The following TBC1D5 variants were observed in gnomAD, a reference collection of about 807,000 sequenced individuals.
TBC1D5 encodes TBC1 domain family member 5.
Under a neutral mutation model 100.3 loss-of-function variants are expected in TBC1D5, and 75 were observed. The ratio of observed to expected loss-of-function variants is 0.75; its 90% CI spans 0.62 to 0.91. TBC1D5 has a LOEUF of 0.91. Ranked by LOEUF, TBC1D5 falls within the 40% of genes least tolerant of loss-of-function variation. TBC1D5 has a pLI of 0.00. For synonymous variants in TBC1D5, 323 were observed against 325.6 expected (o/e 0.99, Z 0.09); for missense variants, 910 against 942.4 (o/e 0.97, Z 0.45).
At chr3:17,475,788 T>C (rs568677126) in intron 3 of TBC1D5, among the ~76,000 whole-genome samples, 1 of 152,232 alleles carries the variant, frequency 6.6e-6, no homozygotes, top group South Asian at 2.1e-4. Context: ...TGCAATAGTT[T>C]CCCTGTGTTC....
At chr3:17,391,562 CA>C (rs375183258) in intron 8 of TBC1D5, among the ~76,000 whole-genome samples, 1,418 of 140,866 alleles carry the variant, frequency 0.01, 9 homozygotes, top group African/African-American at 0.021. Context: ...GGTGCTGTTT[CA>C]AAAAAAAAAA....
At chr3:17,157,957 G>A (rs1000110098) in exon 22 of TBC1D5, 1 of 152,148 alleles carries the variant, frequency 6.6e-6, no homozygotes, top group South Asian at 2.1e-4. Context: ...GGAGGTCCTG[G>A]TTTATTTTTA....
intron 2 of TBC1D5, among the ~76,000 whole-genome samples, chr3:17,577,214 A>T (rs2096662989): frequency 6.6e-6 from 1 of 152,020 alleles, no homozygotes; most frequent in Admixed American, 6.6e-5. Flanking sequence ...TGAGTTTTAC[A>T]AAGCTTTACT....
At chr3:17,592,702 T>C (rs998241777) in intron 2 of TBC1D5, among the ~76,000 whole-genome samples, 1 of 152,226 alleles carries the variant, frequency 6.6e-6, no homozygotes, top group South Asian at 2.1e-4. Context: ...TTGGGCCATA[T>C]GACCCAGCAG....
intron 19 of TBC1D5, among the ~76,000 whole-genome samples, chr3:17,170,762 C>T (rs1457911204): frequency 6.6e-6 from 1 of 152,132 alleles, no homozygotes; most frequent in Non-Finnish European, 1.5e-5. Flanking sequence ...AGAAACTCTT[C>T]CTCAAACACC....
At chr3:17,462,006 C>G (rs1381576940) in intron 3 of TBC1D5, among the ~76,000 whole-genome samples, 2 of 152,070 alleles carry the variant, frequency 1.3e-5, no homozygotes, top group African/African-American at 4.8e-5. Context: ...TCAACCCAGT[C>G]TTTTTAACAT....
chr3:17,186,655 A>G (rs1417796045), intron 18 of TBC1D5, among the ~76,000 whole-genome samples: 1 of 136,112 alleles, frequency 7.3e-6, no homozygotes, highest in East Asian at 2.7e-4. Flanking sequence ...GGTTGAAGTG[A>G]GCCGAGATCA....
At chr3:17,549,175 C>T (rs545885856) in intron 2 of TBC1D5, among the ~76,000 whole-genome samples, 12 of 152,266 alleles carry the variant, frequency 7.9e-5, no homozygotes, top group African/African-American at 2.9e-4. Flanking sequence ...GTGGCGCATG[C>T]CTGTAATCCC....
intron 3 of TBC1D5, among the ~76,000 whole-genome samples, chr3:17,460,073 G>A (rs1054886373): frequency 6.6e-6 from 1 of 152,130 alleles, no homozygotes; most frequent in Non-Finnish European, 1.5e-5. Context: ...TTTTCAGTAC[G>A]CACTGTTTCA....
intron 17 of TBC1D5, 102 bp from the exon 18 acceptor site, chr3:17,233,852 A>C: frequency 1.6e-6 from 1 of 640,636 alleles, no homozygotes; most frequent in Non-Finnish European, 2.6e-6. Context: ...CAAATTACTA[A>C]AAATATAGTA....
At chr3:17,450,266 G>A (rs1022240426) in intron 3 of TBC1D5, among the ~76,000 whole-genome samples, 1 of 152,138 alleles carries the variant, frequency 6.6e-6, no homozygotes, top group African/African-American at 2.4e-5. Flanking sequence ...ATAAATCCAC[G>A]AAGATAAGGA....
In TBC1D5 at chr3:17,594,173, G is replaced by A. The variant is rs2060415705; in HGVS notation, c.-36+29676C>T. Among the ~76,000 whole-genome samples, 2 of 152,214 alleles carry A rather than the reference G, an allele frequency of 1.3e-5. 1 individual carries two copies. The highest frequency in any genetic ancestry group is 4.1e-4 in the South Asian group (2 of 4,830). Reference sequence around the variant, plus strand: ...TCCTACCTTTAAGCCAACAGGCTAAGAAAGGAGTTATAGTGTTGGCTGGGG... The same window carrying A: ...TCCTACCTTTAAGCCAACAGGCTAAAAAAGGAGTTATAGTGTTGGCTGGGG... On this transcript the variant is annotated intron_variant, in intron 2 of 21. Transcript: ENST00000253692.
intron 1 of TBC1D5, among the ~76,000 whole-genome samples, chr3:17,735,759 G>A (rs910416050): frequency 1.3e-5 from 2 of 152,198 alleles, no homozygotes; most frequent in African/African-American, 4.8e-5. Flanking sequence ...GGAGCACAGC[G>A]GACACCCTGC....
At chr3:17,257,323 A>G (rs762865554) in intron 16 of TBC1D5, among the ~76,000 whole-genome samples, 2 of 152,214 alleles carry the variant, frequency 1.3e-5, no homozygotes, top group Non-Finnish European at 2.9e-5. Context: ...AGGGTGTAAG[A>G]CTACTGAAGG....
At position 17,554,611 on chromosome 3, in the gene TBC1D5, T is replaced by A. The variant is rs190747835; in HGVS notation, c.-35-46006A>T. ...AACCAACAAAGGTTACTGACGAATA[T>A]ATATACATTCTTTATTCTCCCCCAT... On this transcript the variant is annotated intron_variant, in intron 2 of 21. Transcript: ENST00000253692. Among the ~76,000 whole-genome samples the A allele has an allele frequency of 3.9e-5, 6 of 152,332 alleles. No homozygotes were observed. The East Asian group carries it at 1.2e-3, about 29-fold the overall frequency.
At position 17,276,094 on chromosome 3, in the gene TBC1D5, A is replaced by T. The variant is rs139280783; in HGVS notation, c.1245+15801T>A. 4.1e-3 allele frequency among the ~76,000 whole-genome samples: 631 copies of T among 152,306 alleles called. 1 individual carries two copies. The highest frequency in any genetic ancestry group is 6.8e-3 in the Middle Eastern group (2 of 294). ...AAATACCATAAACTAAGTGGCTTAT[A>T]AACAGAACAAATTTATTTCTCACAA... On this transcript the variant is annotated intron_variant, in intron 15 of 21. Coordinates refer to ENST00000253692, the Ensembl canonical transcript of TBC1D5.
chr3:17,436,435 A>G lies in TBC1D5; in HGVS notation c.98-7916T>C, dbSNP rs187281494. ...ATAAAAGTAAAAGGCTACTAGTTCT[A>G]CACAAGGAGAAATACACTTACTCAT... is the stretch of plus-strand genomic sequence containing the variant. On this transcript the variant is annotated intron_variant, in intron 3 of 21. Transcript: ENST00000253692. Among the ~76,000 whole-genome samples the G allele has an allele frequency of 1.4e-3, 215 of 152,302 alleles. 1 individual carries two copies. The highest frequency in any genetic ancestry group is 2.2e-3 in the Admixed American group (34 of 15,306).
At chr3:17,579,819 CT>C (rs2096682091) in intron 2 of TBC1D5, among the ~76,000 whole-genome samples, 1 of 152,120 alleles carries the variant, frequency 6.6e-6, no homozygotes, top group African/African-American at 2.4e-5. Context: ...ACTGTTATCA[CT>C]ACAGAGAGCT....
chr3:17,380,296 C>A (rs2092895583), intron 9 of TBC1D5, among the ~76,000 whole-genome samples: 1 of 151,698 alleles, frequency 6.6e-6, no homozygotes, highest in Non-Finnish European at 1.5e-5. Context: ...TTTTGAATAC[C>A]ATTAAAACTA....
Sources: allele counts gnomAD v4.1 joint callset (sites outside exome capture counted in the v4.1 genomes callset), GRCh38; gene constraint gnomAD v4.1.1; transcripts MANE v1.5; gene names NCBI Gene and HGNC (gene_info 2026-07-23, HGNC 2026-07-21).